The following GXYLT2 variants were observed in gnomAD, a reference collection of about 807,000 sequenced individuals.
The protein encoded by GXYLT2 is glucoside xylosyltransferase 2, also known as glycosyltransferase 8 domain containing 4.
Under a neutral mutation model 45.8 loss-of-function variants are expected in GXYLT2, and 53 were observed. The observed-to-expected ratio is 1.16, with a 90% CI of 0.93 to 1.46. The LOEUF (loss-of-function observed/expected upper bound fraction) is 1.46. Ranked by LOEUF, GXYLT2 falls within the 40% of genes most tolerant of loss-of-function variation. GXYLT2 has a pLI of 0.00. For synonymous variants in GXYLT2, 219 were observed against 214.2 expected, an observed-to-expected ratio of 1.02 and a Z score of -0.19; for missense variants, 551 against 544.4, an observed-to-expected ratio of 1.01 and a Z score of -0.12.
chr3:72,908,340 G>A, intron 1 of GXYLT2, 27 bp from the exon 2 acceptor site: 2 of 1,550,338 alleles, frequency 1.3e-6, no homozygotes, highest in Non-Finnish European at 8.7e-7. Context: ...TTTAGTAATA[G>A]CTTTCACTTG....
At chr3:72,898,936 G>A (rs1350827681) in intron 1 of GXYLT2, among the ~76,000 whole-genome samples, 1 of 152,018 alleles carries the variant, frequency 6.6e-6, no homozygotes, top group African/African-American at 2.4e-5. Context: ...TCACCATGTT[G>A]GTCAGGCTGG....
intron 4 of GXYLT2, among the ~76,000 whole-genome samples, chr3:72,955,970 C>T (rs558504567): frequency 1.3e-5 from 2 of 152,278 alleles, no homozygotes; most frequent in South Asian, 2.1e-4. Flanking sequence ...CCTAGCTATT[C>T]AGGAGCCTAA....
chr3:72,888,585 G>A, intron 1 of GXYLT2, 77 bp downstream of exon 1: 2 of 965,542 alleles, frequency 2.1e-6, no homozygotes, highest in Non-Finnish European at 2.5e-6. Flanking sequence ...TCCAAGGGAG[G>A]CTTTGCGCTG....
At chr3:72,938,758 G>GA (rs1220828969) in intron 3 of GXYLT2, among the ~76,000 whole-genome samples, 1 of 152,218 alleles carries the variant, frequency 6.6e-6, no homozygotes, top group East Asian at 1.9e-4. Flanking sequence ...AAGGCCTGTG[G>GA]AAAACGTCCT....
At chr3:72,930,701 C>T (rs1371158762) in intron 3 of GXYLT2, among the ~76,000 whole-genome samples, 1 of 148,074 alleles carries the variant, frequency 6.8e-6, no homozygotes, top group African/African-American at 2.5e-5. Flanking sequence ...TCAGGTGATC[C>T]TCCCACCTCA....
intron 1 of GXYLT2, among the ~76,000 whole-genome samples, chr3:72,906,572 G>GT (rs1429797870): frequency 2.0e-5 from 3 of 150,738 alleles, no homozygotes; most frequent in African/African-American, 7.4e-5. Context: ...CCTGCAGAAC[G>GT]TAAGTTCTTC....
At chr3:72,972,298 A>C (rs1480664003) in intron 6 of GXYLT2, among the ~76,000 whole-genome samples, 1 of 152,142 alleles carries the variant, frequency 6.6e-6, no homozygotes, top group African/African-American at 2.4e-5. Context: ...GAACAATTCT[A>C]GTTTCTAGGA....
chr3:72,909,602 A>G (rs925433827), intron 2 of GXYLT2, among the ~76,000 whole-genome samples: 1 of 152,086 alleles, frequency 6.6e-6, no homozygotes, highest in Admixed American at 6.6e-5. Flanking sequence ...TGGTGACTAC[A>G]TAGTATTTTA....
intron 3 of GXYLT2, among the ~76,000 whole-genome samples, chr3:72,934,642 C>G (rs1710143243): frequency 6.6e-6 from 1 of 152,148 alleles, no homozygotes; most frequent in East Asian, 1.9e-4. Flanking sequence ...TTCAGATTGC[C>G]TGTTTCATAC....
rs145326214 is a variant in GXYLT2, at chr3:72,929,217, A to C, written c.600+6882A>C. 3,888 of 1,580,064 alleles carry C rather than the reference A, an allele frequency of 2.5e-3. 92 individuals carry two copies. The African/African-American group carries it at 0.047, about 19-fold the overall frequency. Reference sequence around the variant, plus strand: ...AACTTTGCCAAATACTTTCTTCACCAATCTCATGAGGAGAGGGAACATGCC... The same window carrying C: ...AACTTTGCCAAATACTTTCTTCACCCATCTCATGAGGAGAGGGAACATGCC... On this transcript the variant is annotated intron_variant, in intron 3 of 6. Transcript: ENST00000389617.
At chr3:72,967,428 C>T (rs1287370707) in intron 5 of GXYLT2, 119 bp from the exon 6 acceptor site, 2 of 763,056 alleles carry the variant, frequency 2.6e-6, no homozygotes, top group Non-Finnish European at 4.1e-6. Flanking sequence ...AAAAATCACA[C>T]TCCTGTACTT....
At chr3:72,946,174 G>A (rs1397057370) in intron 3 of GXYLT2, among the ~76,000 whole-genome samples, 2 of 150,236 alleles carry the variant, frequency 1.3e-5, no homozygotes, top group Non-Finnish European at 3.0e-5. Flanking sequence ...CTACTGGAGA[G>A]GCTGAGATGG....
At chr3:72,905,064 C>CAAA (rs1177216917) in intron 1 of GXYLT2, among the ~76,000 whole-genome samples, 2 of 36,228 alleles carry the variant, frequency 5.5e-5, no homozygotes, top group Non-Finnish European at 1.4e-4. Context: ...GATTCTGTCT[C>CAAA]AAAAAAAAAA....
intron 3 of GXYLT2, among the ~76,000 whole-genome samples, chr3:72,937,043 G>A (rs566488699): frequency 1.6e-4 from 24 of 152,254 alleles, no homozygotes; most frequent in Non-Finnish European, 3.4e-4. Flanking sequence ...AGGACATAGA[G>A]GAAGGACCAT....
At chr3:72,967,842 C>G in intron 6 of GXYLT2, 123 bp downstream of exon 6, 2 of 751,282 alleles carry the variant, frequency 2.7e-6, no homozygotes, top group Non-Finnish European at 4.4e-6. Context: ...CCAGTTATTC[C>G]CGACCTCAGT....
chr3:72,962,969 A>G (rs912400569), intron 5 of GXYLT2, among the ~76,000 whole-genome samples: 12 of 149,954 alleles, frequency 8.0e-5, no homozygotes. Flanking sequence ...AAAAAAAACA[A>G]AAAAACTATT....
chr3:72,939,692 T>TG (rs1553708423), intron 3 of GXYLT2, among the ~76,000 whole-genome samples: 2 of 150,998 alleles, frequency 1.3e-5, no homozygotes, highest in Admixed American at 1.3e-4. Context: ...TCCTTTTTTT[T>TG]TTTTTTAAAC....
Position 72,963,065 on chromosome 3 carries a change from G to A in GXYLT2, c.977-4482G>A, listed in dbSNP as rs560151274. Among the ~76,000 whole-genome samples the A allele has an allele frequency of 6.6e-5, 10 of 152,054 alleles. No individual in the cohort carries two copies. The East Asian group carries it at 1.5e-3, about 24-fold the overall frequency. On this transcript the variant is annotated intron_variant, in intron 5 of 6. Transcript: ENST00000389617. ...GGGAGCTTATGCCTGTAATCTCAAC[G>A]CTTTAGGAGGCTGAGCAGGGAGTAT...
In GXYLT2 at chr3:72,944,301, C is replaced by T. The variant is rs539153914; in HGVS notation, c.601-10797C>T. On this transcript the variant is annotated intron_variant, in intron 3 of 6. Transcript: ENST00000389617. ...AGACTGTCTGGCTCTGTTGCCCAGG[C>T]TGGAGTGCAGTGACACAATCTCAGT... Among the ~76,000 whole-genome samples the T allele has an allele frequency of 5.3e-5, 8 of 149,858 alleles. 1 individual carries two copies. The highest frequency in any genetic ancestry group is 2.0e-4 in the African/African-American group (8 of 40,608).
Sources: gnomAD v4.1 joint callset for allele counts (sites outside exome capture counted in the v4.1 genomes callset) on GRCh38, gnomAD v4.1.1 for gene constraint, MANE v1.5 for transcripts, NCBI Gene and HGNC (gene_info 2026-07-23, HGNC 2026-07-21) for gene names.